YPEL2: variants seen among roughly 807,000 people sequenced by gnomAD.
YPEL2 encodes protein yippee-like 2.
YPEL2 carries 2 observed loss-of-function variants against 19.1 expected under a neutral mutation model. The observed-to-expected ratio is 0.10, with a 90% CI of 0.04 to 0.33. YPEL2 has a LOEUF of 0.33. Ranked by LOEUF, YPEL2 falls within the 10% of genes least tolerant of loss-of-function variation. The pLI, the probability that YPEL2 is intolerant of heterozygous loss-of-function variation, is 1.00. For synonymous variants in YPEL2, 52 were observed against 50.0 expected (o/e 1.04, Z -0.17); for missense variants, 66 against 140.7 (o/e 0.47, Z 2.68).
intron 2 of YPEL2, among the ~76,000 whole-genome samples, chr17:59,363,683 A>G (rs1314546208): frequency 6.6e-6 from 1 of 152,136 alleles, no homozygotes; most frequent in South Asian, 2.1e-4. Context: ...TTACTCCATC[A>G]CTTATTTTAC....
At chr17:59,349,984 C>T (rs114784615) in intron 1 of YPEL2, among the ~76,000 whole-genome samples, 1,579 of 152,270 alleles carry the variant, frequency 0.01, 26 homozygotes, top group African/African-American at 0.036. Flanking sequence ...GATCCTGCTT[C>T]TCCTTGCTTT....
At chr17:59,390,115 C>T (rs562677725) in intron 4 of YPEL2, among the ~76,000 whole-genome samples, 1 of 152,294 alleles carries the variant, frequency 6.6e-6, no homozygotes, top group East Asian at 1.9e-4. Flanking sequence ...ATTCTCATGC[C>T]TCAGCCTCCC....
At chr17:59,359,372 C>T (rs1030777381) in intron 2 of YPEL2, among the ~76,000 whole-genome samples, 3 of 151,928 alleles carry the variant, frequency 2.0e-5, no homozygotes, top group African/African-American at 4.8e-5. Flanking sequence ...GTCTGGAAAA[C>T]GGTATAGTGA....
At chr17:59,395,194 C>T (rs1490326295) in intron 4 of YPEL2, among the ~76,000 whole-genome samples, 1 of 150,752 alleles carries the variant, frequency 6.6e-6, no homozygotes, top group East Asian at 2.0e-4. Context: ...ACACATTGCT[C>T]TGTCATGTGT....
chr17:59,370,698 T>C (rs1249499645), intron 2 of YPEL2, among the ~76,000 whole-genome samples: 3 of 152,160 alleles, frequency 2.0e-5, no homozygotes, highest in Non-Finnish European at 4.4e-5. Context: ...TTCGGCTTGT[T>C]TCTTTGCTGT....
At chr17:59,371,015 G>A (rs905255551) in intron 2 of YPEL2, among the ~76,000 whole-genome samples, 1 of 152,096 alleles carries the variant, frequency 6.6e-6, no homozygotes, top group African/African-American at 2.4e-5. Flanking sequence ...CGCACACTGG[G>A]AGGAGGGATT....
chr17:59,396,013 G>A lies in YPEL2; in HGVS notation c.271-1088G>A, dbSNP rs193254230. On this transcript the variant is annotated intron_variant, in intron 4 of 4. Transcript: ENST00000312655. The stretch of plus-strand genomic sequence containing the variant: ...GGAGAATGGCTTGAACCCGGGAGAC[G>A]GAGCTTGTAGTGAGCCGAGATTGCA... 1.9e-3 allele frequency among the ~76,000 whole-genome samples: 292 copies of A among 152,176 alleles called. 2 individuals are homozygous for A. The highest frequency in any genetic ancestry group is 2.9e-3 in the Non-Finnish European group (195 of 67,992).
At chr17:59,368,956 C>T (rs529889316) in intron 2 of YPEL2, among the ~76,000 whole-genome samples, 19 of 152,240 alleles carry the variant, frequency 1.2e-4, no homozygotes, top group Admixed American at 9.8e-4. Context: ...GGCTGGGTCC[C>T]TCCTTGGTGG....
intron 4 of YPEL2, among the ~76,000 whole-genome samples, chr17:59,390,367 C>G (rs1319295610): frequency 6.6e-6 from 1 of 152,126 alleles, no homozygotes; most frequent in African/African-American, 2.4e-5. Context: ...GCCTCAAACT[C>G]CTGAGCTCAA....
At chr17:59,347,611 G>T (rs1487426128) in intron 1 of YPEL2, among the ~76,000 whole-genome samples, 1 of 152,224 alleles carries the variant, frequency 6.6e-6, no homozygotes, top group Non-Finnish European at 1.5e-5. Flanking sequence ...TCAGGCTGTT[G>T]AGAGCATGGC....
chr17:59,395,906 G>A (rs1282724846), intron 4 of YPEL2, among the ~76,000 whole-genome samples: 4 of 152,032 alleles, frequency 2.6e-5, no homozygotes, highest in Admixed American at 6.6e-5. Flanking sequence ...GTGAAACCCC[G>A]TCTCTACTGA....
chr17:59,369,980 T>C (rs906932195), intron 2 of YPEL2, among the ~76,000 whole-genome samples: 3 of 152,240 alleles, frequency 2.0e-5, no homozygotes, highest in African/African-American at 7.2e-5. Flanking sequence ...GTCTCCATTT[T>C]TAGATGAGGA....
At chr17:59,373,923 G>A (rs747505474) in intron 2 of YPEL2, among the ~76,000 whole-genome samples, 2 of 152,220 alleles carry the variant, frequency 1.3e-5, no homozygotes, top group Non-Finnish European at 2.9e-5. Context: ...GTCATCTGAT[G>A]AGCAGAAAAG....
chr17:59,359,116 A>AT (rs1021387968), intron 2 of YPEL2, among the ~76,000 whole-genome samples: 3 of 148,810 alleles, frequency 2.0e-5, no homozygotes, highest in African/African-American at 7.5e-5. Flanking sequence ...TAGAGACGGG[A>AT]TTTTGCCATG....
rs2048058920 is a variant in YPEL2 at position 59,399,483 on chromosome 17, CTGT to C, written c.*2296_*2298del. On this transcript the variant is annotated 3_prime_UTR_variant, in exon 5 of 5. Coordinates refer to ENST00000312655, the MANE Select transcript of YPEL2 (RefSeq NM_001005404.4). The stretch of plus-strand genomic sequence containing the variant: ...TCTTCCTTGGGGATGAGGCCTTTGA[CTGT>C]TGGATGGATCAGAGCAGGCTCCAGT... 2 of 151,874 alleles carry C rather than the reference CTGT, an allele frequency of 1.3e-5. No homozygotes were observed. The highest frequency in any genetic ancestry group is 4.8e-5 in the African/African-American group (2 of 41,314). The allele number at this position is 151,874 out of a possible 1,614,324, so 9.4% of individuals were successfully genotyped here. A position where few individuals can be genotyped will look rare whatever the true frequency, so the allele number is the denominator to read the frequency against.
chr17:59,346,628 G>T (rs1167116234), intron 1 of YPEL2, among the ~76,000 whole-genome samples: 1 of 152,184 alleles, frequency 6.6e-6, no homozygotes, highest in Non-Finnish European at 1.5e-5. Context: ...TTCAGTGATG[G>T]TGTTTAGCTT....
intron 1 of YPEL2, among the ~76,000 whole-genome samples, chr17:59,341,573 T>C (rs1382558770): frequency 6.6e-6 from 1 of 151,774 alleles, no homozygotes; most frequent in Non-Finnish European, 1.5e-5. Context: ...GCAGGAGAAT[T>C]GCTTGAACCT....
At chr17:59,334,533 C>T (rs2147931353) in intron 1 of YPEL2, among the ~76,000 whole-genome samples, 1 of 151,226 alleles carries the variant, frequency 6.6e-6, no homozygotes, top group East Asian at 1.9e-4. Flanking sequence ...TCTTGTTAGG[C>T]ATCCAGTTTC....
rs1046883878 is a variant in YPEL2, at chr17:59,338,032, G to T, written c.-196+6208G>T. Among the ~76,000 whole-genome samples, 6 of 152,178 alleles carry T rather than the reference G, an allele frequency of 3.9e-5. No homozygotes were observed. In the East Asian group the frequency reaches 1.2e-3, roughly 29 times the overall value. On this transcript the variant is annotated intron_variant, in intron 1 of 4. Coordinates refer to ENST00000312655, the MANE Select transcript of YPEL2 (RefSeq NM_001005404.4). ...CGAGACAGAGCAGCATTCTGCTTGC[G>T]AGGTGCAGCAGTGCCACCTGCATTC...
Sources: allele counts gnomAD v4.1 joint callset (sites outside exome capture counted in the v4.1 genomes callset), GRCh38; gene constraint gnomAD v4.1.1; transcripts MANE v1.5; gene names NCBI Gene and HGNC (gene_info 2026-07-23, HGNC 2026-07-21).